Variants in NKAIN3 observed in about 807,000 individuals in gnomAD.
NKAIN3 encodes sodium/potassium-transporting ATPase subunit beta-1-interacting protein 3.
In NKAIN3, 25 loss-of-function variants were observed where a neutral mutation model predicts 30.2. The observed-to-expected ratio is 0.83, with a 90% CI of 0.60 to 1.16. The LOEUF is 1.16. Among genes scored for constraint, NKAIN3 ranks in the 50% most tolerant of loss-of-function variants. The pLI is 0.00. For synonymous variants in NKAIN3, 91 were observed against 89.6 expected, an observed-to-expected ratio of 1.02 and a Z score of -0.09; for missense variants, 225 against 254.1, an observed-to-expected ratio of 0.89 and a Z score of 0.78.
chr8:62,590,484 A>G (rs974861584), intron 3 of NKAIN3, among the ~76,000 whole-genome samples: 7 of 152,010 alleles, frequency 4.6e-5, no homozygotes, highest in Middle Eastern at 3.4e-3. Flanking sequence ...TGTTTCTTAA[A>G]CAGTTTTTGT....
intron 1 of NKAIN3, among the ~76,000 whole-genome samples, chr8:62,538,750 T>G (rs1448046259): frequency 1.3e-5 from 2 of 152,218 alleles, no homozygotes; most frequent in African/African-American, 4.8e-5. Flanking sequence ...GTCAGTATGT[T>G]CCTATACATT....
chr8:62,919,331 G>A (rs71527108), intron 5 of NKAIN3, among the ~76,000 whole-genome samples: 4 of 125,618 alleles, frequency 3.2e-5, no homozygotes, highest in South Asian at 2.8e-4. Flanking sequence ...TGCAAGCTCC[G>A]CCTCCCAGGT....
chr8:62,875,130 C>A (rs1377606100), intron 4 of NKAIN3, among the ~76,000 whole-genome samples: 1 of 152,166 alleles, frequency 6.6e-6, no homozygotes, highest in Non-Finnish European at 1.5e-5. Flanking sequence ...AACAAAGTCT[C>A]AGGATACAAA....
intron 3 of NKAIN3, among the ~76,000 whole-genome samples, chr8:62,703,196 A>G (rs981934966): frequency 6.6e-6 from 1 of 152,132 alleles, no homozygotes; most frequent in Non-Finnish European, 1.5e-5. Context: ...TTAATATATT[A>G]AAAATATATT....
At chr8:62,288,869 G>A (rs1317394547) in intron 1 of NKAIN3, among the ~76,000 whole-genome samples, 1 of 152,120 alleles carries the variant, frequency 6.6e-6, no homozygotes, top group Non-Finnish European at 1.5e-5. Flanking sequence ...CAGTGTAAAA[G>A]CTTTCCTATT....
rs544184542 is a variant in NKAIN3 at position 62,807,359 on chromosome 8, T to C, written c.471+60230T>C. ...TCCTCATGTGCTTATCTTATTAATG[T>C]ATATGGAATTACATGTAGATTACAG... On this transcript the variant is annotated intron_variant, in intron 4 of 6. Transcript: ENST00000623646. Among the ~76,000 whole-genome samples the C allele has an allele frequency of 3.3e-5, 5 of 152,298 alleles. No individual in the cohort carries two copies. In the East Asian group the frequency reaches 9.6e-4, roughly 29 times the overall value.
chr8:62,695,844 T>A (rs1814137009), intron 3 of NKAIN3, among the ~76,000 whole-genome samples: 1 of 152,174 alleles, frequency 6.6e-6, no homozygotes, highest in Admixed American at 6.5e-5. Flanking sequence ...AAGGCTGTAA[T>A]CTCTGCCATT....
At chr8:62,636,151 G>A (rs564899157) in intron 3 of NKAIN3, among the ~76,000 whole-genome samples, 2 of 152,218 alleles carry the variant, frequency 1.3e-5, no homozygotes, top group African/African-American at 4.8e-5. Flanking sequence ...AAAATAGATT[G>A]AAGTTGAGAA....
At chr8:62,483,217 T>A (rs1428032930) in intron 1 of NKAIN3, 2 of 152,284 alleles carry the variant, frequency 1.3e-5, no homozygotes. Flanking sequence ...TGGACCACTG[T>A]TGATTGAGAA....
chr8:62,750,592 G>A (rs1180107315), intron 4 of NKAIN3, among the ~76,000 whole-genome samples: 1 of 152,096 alleles, frequency 6.6e-6, no homozygotes, highest in African/African-American at 2.4e-5. Flanking sequence ...CCTGGGAGGC[G>A]GCGGGGGGTG....
At chr8:62,635,396 C>A (rs1812096151) in intron 3 of NKAIN3, among the ~76,000 whole-genome samples, 1 of 152,116 alleles carries the variant, frequency 6.6e-6, no homozygotes, top group South Asian at 2.1e-4. Flanking sequence ...AAAGTCAAAT[C>A]CTGTGCTTCT....
intron 4 of NKAIN3, among the ~76,000 whole-genome samples, chr8:62,798,464 C>T (rs929838204): frequency 6.6e-6 from 1 of 151,892 alleles, no homozygotes; most frequent in African/African-American, 2.4e-5. Context: ...CCCAGTTACC[C>T]TGGAGGCTGA....
chr8:62,345,683 C>G (rs1815981330), intron 1 of NKAIN3, among the ~76,000 whole-genome samples: 1 of 148,320 alleles, frequency 6.7e-6, no homozygotes, highest in Admixed American at 6.8e-5. Flanking sequence ...AATATATATA[C>G]CAGACTATAT....
intron 4 of NKAIN3, among the ~76,000 whole-genome samples, chr8:62,867,041 C>A (rs1471142801): frequency 5.2e-5 from 7 of 134,066 alleles, no homozygotes; most frequent in African/African-American, 1.7e-4. Flanking sequence ...GGCGACAGAG[C>A]GAGACTCCGT....
At chr8:62,917,091 C>T (rs1217360952) in intron 4 of NKAIN3, among the ~76,000 whole-genome samples, 1 of 152,058 alleles carries the variant, frequency 6.6e-6, no homozygotes, top group Non-Finnish European at 1.5e-5. Flanking sequence ...GGGATGGCTC[C>T]AACTCCAGAA....
chr8:62,750,529 C>T (rs757637612), intron 4 of NKAIN3, among the ~76,000 whole-genome samples: 10 of 152,256 alleles, frequency 6.6e-5, no homozygotes, highest in Middle Eastern at 3.4e-3. Context: ...CACTCTCCAC[C>T]GCCTGTGCCT....
At chr8:62,870,267 TATAG>T (rs1262848712) in intron 4 of NKAIN3, among the ~76,000 whole-genome samples, 3 of 130,490 alleles carry the variant, frequency 2.3e-5, no homozygotes, top group African/African-American at 5.9e-5. Flanking sequence ...TATATCTATA[TATAG>T]ATATATATAA....
At chr8:62,935,478 AT>A (rs1289857933) in intron 5 of NKAIN3, among the ~76,000 whole-genome samples, 15 of 151,680 alleles carry the variant, frequency 9.9e-5, no homozygotes, top group East Asian at 9.7e-4. Context: ...GTAAACTACA[AT>A]TTTTTTTTCC....
chr8:62,665,509 T>C (rs1467180923), intron 3 of NKAIN3, among the ~76,000 whole-genome samples: 2 of 152,208 alleles, frequency 1.3e-5, no homozygotes, highest in African/African-American at 4.8e-5. Flanking sequence ...TAAGACCACT[T>C]TCTCTTATCC....
Sources: allele counts gnomAD v4.1 joint callset (sites outside exome capture counted in the v4.1 genomes callset), GRCh38; gene constraint gnomAD v4.1.1; transcripts MANE v1.5; gene names NCBI Gene and HGNC (gene_info 2026-07-23, HGNC 2026-07-21).